The following CCDC88C variants were observed in gnomAD, a reference collection of about 807,000 sequenced individuals.
The protein encoded by CCDC88C is protein Daple.
CCDC88C carries 131 observed loss-of-function variants against 198.8 expected under a neutral mutation model. The observed-to-expected ratio is 0.66, with a 90% CI of 0.57 to 0.76. The LOEUF is 0.76. Ranked by LOEUF, CCDC88C falls within the 30% of genes least tolerant of loss-of-function variation. The probability of loss-of-function intolerance (pLI) is 0.00; values close to 1 mark genes in which losing one functional copy is unlikely to be tolerated. For synonymous variants in CCDC88C, 1,166 were observed against 1,114.7 expected (o/e 1.05, Z -0.92); for missense variants, 2,553 against 2,631.6 (o/e 0.97, Z 0.65).
At chr14:91,323,242 C>G (rs932966946) in intron 12 of CCDC88C, among the ~76,000 whole-genome samples, 1 of 152,136 alleles carries the variant, frequency 6.6e-6, no homozygotes, top group East Asian at 1.9e-4. Flanking sequence ...CGTCAGCACC[C>G]CCCAGCAACC....
chr14:91,295,102 C>A (rs912647848), intron 22 of CCDC88C, among the ~76,000 whole-genome samples: 2 of 152,188 alleles, frequency 1.3e-5, no homozygotes, highest in African/African-American at 4.8e-5. Flanking sequence ...GAGAACACAG[C>A]AAAATGCCTG....
intron 10 of CCDC88C, among the ~76,000 whole-genome samples, chr14:91,331,626 C>G (rs1285769): frequency 6.6e-6 from 1 of 152,192 alleles, no homozygotes; most frequent in African/African-American, 2.4e-5. Flanking sequence ...GGCCAACAAC[C>G]CTTTCTGTCC....
chr14:91,349,066 A>C (rs1401120301), intron 4 of CCDC88C, among the ~76,000 whole-genome samples: 1 of 152,242 alleles, frequency 6.6e-6, no homozygotes, highest in Non-Finnish European at 1.5e-5. Flanking sequence ...GGTTTTGAAT[A>C]GTTTCAAAAC....
rs1312802141 is a variant in CCDC88C at position 91,273,459 on chromosome 14, T to C, written c.5253A>G (p.Val1751=). 2 of 1,586,902 alleles carry C rather than the reference T, an allele frequency of 1.3e-6. No individual in the cohort carries two copies. Among genetic ancestry groups the C allele is most frequent in the Middle Eastern group, 1.7e-4 (1 of 5,958 alleles). ...CCTCAGTCAGTCTGAAGTTTGGCTT[T>C]ACGTACTGCCCGGGCTTCAGCGGCC... ...EGRPLKPGQY[V]KPNFRLTEAE... The change falls in exon 30 of 30, where the codon GTA becomes GTG. Residue 1751 remains valine (V), a synonymous_variant. Coordinates refer to ENST00000389857, the MANE Select transcript of CCDC88C (RefSeq NM_001080414.4). This position sits in a 1 kb window ranked among gnomAD's most constrained non-coding sequence, Gnocchi z 5.6.
intron 3 of CCDC88C, among the ~76,000 whole-genome samples, chr14:91,394,342 CCT>C (rs916921976): frequency 9.2e-5 from 14 of 152,196 alleles, no homozygotes; most frequent in African/African-American, 2.7e-4. Context: ...CCGGTTTACC[CCT>C]GTTTACCCTC....
chr14:91,355,849 T>C (rs1279523880), intron 4 of CCDC88C, among the ~76,000 whole-genome samples: 6 of 152,108 alleles, frequency 3.9e-5, no homozygotes, highest in African/African-American at 1.4e-4. Flanking sequence ...TTTAGTATCA[T>C]TGTGTTGGGG....
rs764772042 is a variant in CCDC88C, at chr14:91,273,638, G to A, written c.5074C>T (p.Arg1692Trp). The part of the protein sequence containing the change: ...SSPTHDTPSC[R>W]DDLLSDYFRK... Reference sequence around the variant, plus strand: ...AAGTAGTCACTCAGCAGGTCATCCCGGCAACTGGGAGTGTCCTACGGAGAA... The same window carrying A: ...AAGTAGTCACTCAGCAGGTCATCCCAGCAACTGGGAGTGTCCTACGGAGAA... Residue 1692 changes from arginine (R) to tryptophan (W), a missense_variant, in exon 30 of 30, where the codon CGG becomes TGG. Coordinates refer to ENST00000389857, the MANE Select transcript of CCDC88C (RefSeq NM_001080414.4). This position sits in a 1 kb window ranked among gnomAD's most constrained non-coding sequence, Gnocchi z 5.6. The A allele has an allele frequency of 1.2e-5, 18 of 1,480,854 alleles. No homozygotes were observed. In the Admixed American group the frequency reaches 2.2e-4, roughly 18 times the overall value. 91.7% of individuals were successfully genotyped at this position (1,480,854 alleles called of 1,614,324 possible).
intron 3 of CCDC88C, among the ~76,000 whole-genome samples, chr14:91,369,923 G>T (rs1308146971): frequency 6.6e-6 from 1 of 152,198 alleles, no homozygotes; most frequent in Non-Finnish European, 1.5e-5. Flanking sequence ...CCCGGCCGAG[G>T]CTACCACGTC....
At chr14:91,346,889 ACT>A (rs1486350573) in intron 4 of CCDC88C, among the ~76,000 whole-genome samples, 4 of 151,922 alleles carry the variant, frequency 2.6e-5, no homozygotes, top group Admixed American at 6.6e-5. Flanking sequence ...ACAAAGGAAG[ACT>A]CTGTCTCAAA....
At chr14:91,311,356 A>G (rs976331837) in intron 15 of CCDC88C, among the ~76,000 whole-genome samples, 1 of 152,186 alleles carries the variant, frequency 6.6e-6, no homozygotes, top group South Asian at 2.1e-4. Context: ...TCCAGTGTGG[A>G]GACTGCTCAG....
intron 3 of CCDC88C, among the ~76,000 whole-genome samples, chr14:91,407,089 C>CG (rs1567127092): frequency 1.3e-5 from 2 of 152,186 alleles, no homozygotes. Flanking sequence ...GCCAGCCCCC[C>CG]CCACCCAACA....
chr14:91,344,795 G>A (rs12881978), intron 4 of CCDC88C, among the ~76,000 whole-genome samples: 3 of 151,030 alleles, frequency 2.0e-5, no homozygotes, highest in Admixed American at 6.6e-5. Context: ...CACCGCGCCC[G>A]GCCCCTTTTT....
At chr14:91,344,405 C>T (rs1009784079) in intron 4 of CCDC88C, among the ~76,000 whole-genome samples, 16 of 152,192 alleles carry the variant, frequency 1.1e-4, no homozygotes, top group Admixed American at 9.8e-4. Context: ...CTCAGCCTCA[C>T]ATTATCAACA....
intron 4 of CCDC88C, among the ~76,000 whole-genome samples, chr14:91,344,119 C>A (rs956980161): frequency 6.6e-6 from 1 of 152,222 alleles, no homozygotes; most frequent in African/African-American, 2.4e-5. Flanking sequence ...CCATACCCAG[C>A]CTTATTTACT....
Position 91,289,167 on chromosome 14 carries a change from G to C in CCDC88C, c.4379C>G (p.Thr1460Ser). ...PLRSQAENPD[T>S]PALGSNCAEE... ...TGCACAGTTGGAGCCCAGTGCGGGG[G>C]TGTCGGGGTTCTCGGCCTGTGATCT... is the stretch of plus-strand genomic sequence containing the variant. Residue 1460 changes from threonine to serine, a missense_variant, in exon 25 of 30, where the codon ACC becomes AGC. This residue lies in a region of CCDC88C where 1,293 missense variants were observed against 1,219.6 expected (regional missense o/e 1.06). Transcript: ENST00000389857. The C allele has an allele frequency of 6.2e-7, 1 of 1,613,830 alleles. No homozygotes were observed. Among genetic ancestry groups the C allele is most frequent in the Non-Finnish European group, 8.5e-7 (1 of 1,179,886 alleles).
At position 91,338,481 on chromosome 14, in the gene CCDC88C, C is replaced by A; in HGVS notation, c.891+8G>T. 6.4e-7 allele frequency: 1 copy of A among 1,559,578 alleles called. No individual in the cohort carries two copies. The highest frequency in any genetic ancestry group is 8.7e-7 in the Non-Finnish European group (1 of 1,151,696). On this transcript the variant is annotated splice_region_variant and intron_variant, in intron 9 of 29. Coordinates refer to ENST00000389857, the MANE Select transcript of CCDC88C (RefSeq NM_001080414.4). The surrounding 1 kb of genome is among the most constrained non-coding windows in gnomAD (Gnocchi z 4.8). ...CCCAGGACACACAGGCTCAGGCCCC[C>A]GACTCACCTCCTGCTTAACTTTCTG...
chr14:91,411,940 G>A (rs924382267), intron 2 of CCDC88C, among the ~76,000 whole-genome samples: 10 of 146,284 alleles, frequency 6.8e-5, no homozygotes, highest in African/African-American at 2.6e-4. Context: ...TCCAGCCTGT[G>A]CAACAGAGTG....
At chr14:91,293,162 C>CACAGCT (rs1890752109) in intron 23 of CCDC88C, among the ~76,000 whole-genome samples, 1 of 5,340 alleles carries the variant, frequency 1.9e-4, no homozygotes. Context: ...CTGCCATAGC[C>CACAGCT]CACCTTCCCA....
Position 91,322,427 on chromosome 14 carries a change from G to A in CCDC88C, c.1343-1123C>T, listed in dbSNP as rs564000922. On this transcript the variant is annotated intron_variant, in intron 12 of 29. Coordinates refer to ENST00000389857, the MANE Select transcript of CCDC88C (RefSeq NM_001080414.4). ...CCAACAGCAGGCGAGAAGTGGAGGGGATGGTGTGTACCTGGCCCCAGCCCA... is the reference window on the plus strand; with the variant it reads ...CCAACAGCAGGCGAGAAGTGGAGGGAATGGTGTGTACCTGGCCCCAGCCCA... Among the ~76,000 whole-genome samples the A allele has an allele frequency of 3.9e-5, 6 of 152,272 alleles. No homozygotes were observed. The South Asian group carries it at 1.2e-3, about 32-fold the overall frequency.
Sources: gnomAD v4.1 joint callset for allele counts (sites outside exome capture counted in the v4.1 genomes callset) on GRCh38, gnomAD v4.1.1 for gene constraint, gnomAD v4.1.1 regional missense constraint, Gnocchi (gnomAD v3.1) non-coding constraint, MANE v1.5 for transcripts, NCBI Gene and HGNC (gene_info 2026-07-23, HGNC 2026-07-21) for gene names.